CWF19L2: variants seen among roughly 807,000 people sequenced by gnomAD.
CWF19L2 encodes CWF19-like protein 2.
CWF19L2 carries 98 observed loss-of-function variants against 111.7 expected under a neutral mutation model. The observed-to-expected ratio is 0.88, with a 90% CI of 0.75 to 1.04. The LOEUF (loss-of-function observed/expected upper bound fraction) is 1.04, where lower values mean the gene tolerates loss of function less well. Among genes scored for constraint, CWF19L2 ranks in the 50% least tolerant of loss-of-function variants. The pLI, the probability that CWF19L2 is intolerant of heterozygous loss-of-function variation, is 0.00. For synonymous variants in CWF19L2, 351 were observed against 342.9 expected (o/e 1.02, Z -0.26); for missense variants, 1,101 against 1,051.4 (o/e 1.05, Z -0.65).
chr11:107,394,555 G>A (rs1372248946), intron 10 of CWF19L2, among the ~76,000 whole-genome samples: 1 of 152,020 alleles, frequency 6.6e-6, no homozygotes, highest in African/African-American at 2.4e-5. Flanking sequence ...ACTCTCTCCT[G>A]GTTCTGCCTT....
rs1322915378 is a variant in CWF19L2 at position 107,386,309 on chromosome 11, T to G, written c.1872+3765A>C. ...GATTACAGGTGTGAGCCGCCACTCC[T>G]GTTCATTTTTCTACTACCAAATTTA... On this transcript the variant is annotated intron_variant, in intron 12 of 17. Coordinates refer to ENST00000282251, the MANE Select transcript of CWF19L2 (RefSeq NM_152434.3). Among the ~76,000 whole-genome samples, 5 of 152,118 alleles carry G rather than the reference T, an allele frequency of 3.3e-5. No individual in the cohort carries two copies. In the South Asian group the frequency reaches 1.0e-3, roughly 31 times the overall value.
intron 15 of CWF19L2, among the ~76,000 whole-genome samples, chr11:107,335,268 G>C (rs1859905773): frequency 6.6e-6 from 1 of 152,110 alleles, no homozygotes; most frequent in Non-Finnish European, 1.5e-5. Flanking sequence ...TGATCATAAA[G>C]TTCCATTTAT....
intron 7 of CWF19L2, among the ~76,000 whole-genome samples, chr11:107,429,806 C>CA (rs33980353): frequency 0.046 from 4,886 of 105,604 alleles, 141 homozygotes; most frequent in East Asian, 0.072. Context: ...AGATTCTCAC[C>CA]AAAAAAAAAA....
In CWF19L2 at chr11:107,370,149, C is replaced by G. The variant is rs1860487189; in HGVS notation, c.1873-16413G>C. Reference sequence around the variant, plus strand: ...ATCTCAAGTAAAATACATCCTACTACAGGAACTCTAAGGTGACTGTATTTC... The same window carrying G: ...ATCTCAAGTAAAATACATCCTACTAGAGGAACTCTAAGGTGACTGTATTTC... On this transcript the variant is annotated intron_variant, in intron 12 of 17. Transcript: ENST00000282251. 1.5e-5 allele frequency among the ~76,000 whole-genome samples: 2 copies of G among 137,598 alleles called. 1 individual carries two copies. The highest frequency in any genetic ancestry group is 4.9e-4 in the South Asian group (2 of 4,062). The allele number at this position is 137,598 out of a possible 152,430, so 90.3% of individuals were successfully genotyped here. A position where few individuals can be genotyped will look rare whatever the true frequency, so the allele number is the denominator to read the frequency against.
rs746301566 is a variant in CWF19L2, at chr11:107,457,810, T to C, written c.7A>G (p.Thr3Ala). 12 of 1,551,518 alleles carry C rather than the reference T, an allele frequency of 7.7e-6. No homozygotes were observed. Among genetic ancestry groups the C allele is most frequent in the Middle Eastern group, 1.7e-4 (1 of 6,016 alleles). The stretch of plus-strand genomic sequence containing the variant: ...CTACCACTAGCAGCCGCCATACTTG[T>C]TGCCATCGTAAAGCTAAGAAGCCGC... Reference protein sequence around the residue: MATSMAAASGRFE... With the variant: MAASMAAASGRFE... Residue 3 changes from threonine (T) to alanine (A), a missense_variant, in exon 1 of 18, where the codon ACA becomes GCA. Transcript: ENST00000282251.
intron 7 of CWF19L2, 57 bp downstream of exon 7, chr11:107,433,577 C>T (rs1001644393): frequency 1.8e-5 from 13 of 708,124 alleles, no homozygotes; most frequent in Non-Finnish European, 2.8e-5. Flanking sequence ...GCTAAAGGCA[C>T]TTAATTTTTC....
chr11:107,442,390 C>G (rs1861630371), intron 4 of CWF19L2, among the ~76,000 whole-genome samples: 4 of 151,900 alleles, frequency 2.6e-5, no homozygotes, highest in Admixed American at 2.6e-4. Context: ...TTCTTTAAAA[C>G]CAAGTGATAG....
intron 17 of CWF19L2, among the ~76,000 whole-genome samples, chr11:107,327,865 T>C (rs1387669819): frequency 2.0e-5 from 3 of 152,270 alleles, no homozygotes; most frequent in East Asian, 3.9e-4. Context: ...AAATTCTGCA[T>C]AGTCGGTCTA....
At chr11:107,407,649 C>CT (rs1861099520) in intron 10 of CWF19L2, among the ~76,000 whole-genome samples, 1 of 88,990 alleles carries the variant, frequency 1.1e-5, no homozygotes, top group Non-Finnish European at 2.6e-5. Flanking sequence ...TGCTGGGTCC[C>CT]TCTCTAAGGA....
Position 107,353,669 on chromosome 11 carries a change from C to G in CWF19L2, c.1940G>C (p.Arg647Thr), listed in dbSNP as rs776023159. The G allele has an allele frequency of 6.2e-7, 1 of 1,613,796 alleles. No individual in the cohort carries two copies. The highest frequency in any genetic ancestry group is 8.5e-7 in the Non-Finnish European group (1 of 1,179,748). Residue 647 changes from arginine to threonine, a missense_variant, in exon 13 of 18, where the codon AGA (arginine) becomes ACA (threonine). Coordinates refer to ENST00000282251, the MANE Select transcript of CWF19L2 (RefSeq NM_152434.3). ...DDMFVSKAAE[R>T]ERLGEEEENQ... ...CTCTTCCTCTTCACCAAGACGTTCT[C>G]TCTCAGCTGCTTTGGAGACAAACAT... is the stretch of plus-strand genomic sequence containing the variant.
chr11:107,343,562 G>A (rs1218383182), intron 14 of CWF19L2, among the ~76,000 whole-genome samples: 2 of 151,532 alleles, frequency 1.3e-5, no homozygotes, highest in Non-Finnish European at 2.9e-5. Context: ...TCTTTTAACT[G>A]ATATACTGTT....
intron 14 of CWF19L2, among the ~76,000 whole-genome samples, chr11:107,345,114 TA>T (rs1860060067): frequency 6.6e-6 from 1 of 152,140 alleles, no homozygotes. Flanking sequence ...CAAAAAAAAC[TA>T]AAAAACAGAA....
At chr11:107,448,504 G>A (rs1227171578) in intron 3 of CWF19L2, among the ~76,000 whole-genome samples, 1 of 151,830 alleles carries the variant, frequency 6.6e-6, no homozygotes, top group African/African-American at 2.4e-5. Flanking sequence ...CTACCAAAAT[G>A]AGAGGGAACA....
chr11:107,416,298 C>G lies in CWF19L2; in HGVS notation c.1528G>C (p.Glu510Gln). 2 of 1,391,540 alleles carry G rather than the reference C, an allele frequency of 1.4e-6. No homozygotes were observed. Among genetic ancestry groups the G allele is most frequent in the Non-Finnish European group, 9.7e-7 (1 of 1,034,862 alleles). The allele number at this position is 1,391,540 out of a possible 1,614,324, so 86.2% of individuals were successfully genotyped here. A position where few individuals can be genotyped will look rare whatever the true frequency, so the allele number is the denominator to read the frequency against. Residue 510 changes from glutamate (E) to glutamine (Q), a missense_variant and splice_region_variant, in exon 10 of 18, where the codon GAA becomes CAA. Glu to Gln is a conservative substitution (Grantham distance 29). Coordinates refer to ENST00000282251, the MANE Select transcript of CWF19L2 (RefSeq NM_152434.3). ...TGAACTTTAAGTTGTTCAGCTAATTCCTTCAAAAAGAAAAACAAGTAAAAT... is the reference window on the plus strand; with the variant it reads ...TGAACTTTAAGTTGTTCAGCTAATTGCTTCAAAAAGAAAAACAAGTAAAAT... ...IIKAEMMGNM[E>Q]LAEQLKVQLE... is the part of the protein sequence containing the mutation.
At chr11:107,334,208 T>G (rs1859889263) in intron 16 of CWF19L2, among the ~76,000 whole-genome samples, 1 of 152,212 alleles carries the variant, frequency 6.6e-6, no homozygotes, top group Admixed American at 6.5e-5. Context: ...ATAAACTACT[T>G]TTTGAATAGA....
At chr11:107,441,040 G>T (rs917694273) in intron 5 of CWF19L2, among the ~76,000 whole-genome samples, 1 of 152,108 alleles carries the variant, frequency 6.6e-6, no homozygotes, top group Non-Finnish European at 1.5e-5. Context: ...TACTTCTCTG[G>T]ATTCATGCTT....
chr11:107,340,508 G>A (rs1010500079), intron 14 of CWF19L2, among the ~76,000 whole-genome samples: 2 of 152,086 alleles, frequency 1.3e-5, no homozygotes, highest in South Asian at 4.2e-4. Context: ...TGTCTATTTG[G>A]TTTAATTAAT....
chr11:107,346,286 T>C (rs1180656389), intron 14 of CWF19L2, among the ~76,000 whole-genome samples: 1 of 152,206 alleles, frequency 6.6e-6, no homozygotes, highest in African/African-American at 2.4e-5. Context: ...GTAAATGTTA[T>C]GCAACAGAAC....
At chr11:107,396,720 A>C (rs1860927504) in intron 10 of CWF19L2, among the ~76,000 whole-genome samples, 1 of 152,158 alleles carries the variant, frequency 6.6e-6, no homozygotes, top group South Asian at 2.1e-4. Flanking sequence ...AGGGGCTTGC[A>C]TTGTGGATTT....
Sources: allele counts gnomAD v4.1 joint callset (sites outside exome capture counted in the v4.1 genomes callset), GRCh38; gene constraint gnomAD v4.1.1; transcripts MANE v1.5; gene names NCBI Gene and HGNC (gene_info 2026-07-23, HGNC 2026-07-21).